LRP1B: variants seen among roughly 807,000 people sequenced by gnomAD.
LRP1B encodes the protein low-density lipoprotein receptor-related protein 1B.
In LRP1B, 217 loss-of-function variants were observed where a neutral mutation model predicts 556.6. The observed-to-expected ratio is 0.39, with a 90% CI of 0.35 to 0.44. LRP1B has a LOEUF of 0.44. LRP1B is among the 20% of genes least tolerant of loss of function. The pLI is 1.00. For missense variants in LRP1B, 5,053 were observed against 5,620.8 expected, an observed-to-expected ratio of 0.90 and a Z score of 3.23; for synonymous variants, 2,047 against 1,865.8, an observed-to-expected ratio of 1.10 and a Z score of -2.50.
chr2:141,003,189 A>G (rs1697475605), intron 15 of LRP1B, among the ~76,000 whole-genome samples: 1 of 152,046 alleles, frequency 6.6e-6, no homozygotes, highest in Admixed American at 6.6e-5. Flanking sequence ...AATCCCAAAT[A>G]TCAACTAAAA....
At chr2:140,360,322 G>A (rs1409891040) in intron 72 of LRP1B, among the ~76,000 whole-genome samples, 1 of 151,296 alleles carries the variant, frequency 6.6e-6, no homozygotes, top group African/African-American at 2.4e-5. Context: ...TGCTTTAAGT[G>A]AAATTTGGTC....
At chr2:141,964,142 T>C (rs1225419706) in intron 1 of LRP1B, among the ~76,000 whole-genome samples, 1 of 150,484 alleles carries the variant, frequency 6.6e-6, no homozygotes, top group Admixed American at 6.6e-5. Context: ...GTAGGAAGAA[T>C]TAATATCATG....
At chr2:140,756,105 T>C (rs975357298) in intron 35 of LRP1B, among the ~76,000 whole-genome samples, 2 of 151,940 alleles carry the variant, frequency 1.3e-5, no homozygotes, top group Admixed American at 6.6e-5. Flanking sequence ...ACAAATAACA[T>C]GAAATTTAGA....
At chr2:140,925,616 A>C (rs1481040593) in intron 20 of LRP1B, among the ~76,000 whole-genome samples, 1 of 152,140 alleles carries the variant, frequency 6.6e-6, no homozygotes, top group Admixed American at 6.6e-5. Flanking sequence ...GGAAGGTGTA[A>C]TCTATTGATT....
rs1323995709 is a variant in LRP1B, at chr2:141,686,980, C to T, written c.205+123299G>A. Reference sequence around the variant, plus strand: ...AATGTGGCCCCTGAACATGGGACTTCTCAGCCTTCATAACTGCAAGAAATA... The same window carrying T: ...AATGTGGCCCCTGAACATGGGACTTTTCAGCCTTCATAACTGCAAGAAATA... On this transcript the variant is annotated intron_variant, in intron 2 of 90. Transcript: ENST00000389484. 2.0e-5 allele frequency among the ~76,000 whole-genome samples: 3 copies of T among 151,932 alleles called. No individual in the cohort carries two copies. In the East Asian group the frequency reaches 5.8e-4, roughly 29 times the overall value.
At chr2:140,369,330 G>C (rs1682890593) in intron 71 of LRP1B, among the ~76,000 whole-genome samples, 1 of 151,896 alleles carries the variant, frequency 6.6e-6, no homozygotes, top group Admixed American at 6.6e-5. Flanking sequence ...AGAAGCAATG[G>C]GAGAATGAAC....
At position 141,150,810 on chromosome 2, in the gene LRP1B, A is replaced by G. The variant is rs561622796; in HGVS notation, c.1013+37611T>C. Among the ~76,000 whole-genome samples, 54 of 150,606 alleles carry G rather than the reference A, an allele frequency of 3.6e-4. 1 individual carries two copies. In the South Asian group the frequency reaches 6.1e-3, roughly 17 times the overall value. ...AGTGAAATACATTTATTTCTGGTCC[A>G]CACATTATGTAAATAACTTCTCTTC... On this transcript the variant is annotated intron_variant, in intron 7 of 90. Transcript: ENST00000389484.
chr2:140,742,427 C>G (rs188235991), intron 35 of LRP1B, among the ~76,000 whole-genome samples: 96 of 152,184 alleles, frequency 6.3e-4, no homozygotes, highest in African/African-American at 2.2e-3. Flanking sequence ...AAAAATAAAT[C>G]ATTCTGTAAT....
intron 2 of LRP1B, among the ~76,000 whole-genome samples, chr2:141,528,509 A>C (rs1179135026): frequency 1.3e-5 from 2 of 152,160 alleles, no homozygotes; most frequent in African/African-American, 4.8e-5. Flanking sequence ...GCAGTCATCA[A>C]CCTTTGAAGG....
chr2:140,415,692 T>A (rs1685167179), intron 66 of LRP1B, among the ~76,000 whole-genome samples: 3 of 152,302 alleles, frequency 2.0e-5, no homozygotes, highest in Admixed American at 1.3e-4. Flanking sequence ...TCTGCCTTTT[T>A]CTTAAAGCCT....
chr2:141,658,506 G>C lies in LRP1B; in HGVS notation c.205+151773C>G, dbSNP rs147765897. On this transcript the variant is annotated intron_variant, in intron 2 of 90. Coordinates refer to ENST00000389484, the MANE Select transcript of LRP1B (RefSeq NM_018557.3). ...CCAGGTCTCCTTGTTGTCCCTGAGA[G>C]ACACTAGCCTTGAGGATGGGGACCC... 4.6e-3 allele frequency among the ~76,000 whole-genome samples: 701 copies of C among 152,280 alleles called. 5 individuals carry two copies. Among genetic ancestry groups the C allele is most frequent in the Non-Finnish European group, 8.1e-3 (548 of 68,022 alleles).
At chr2:140,490,812 G>T (rs1315832954) in intron 57 of LRP1B, among the ~76,000 whole-genome samples, 1 of 151,982 alleles carries the variant, frequency 6.6e-6, no homozygotes, top group African/African-American at 2.4e-5. Flanking sequence ...TACTCAATGG[G>T]CACCATTATC....
intron 2 of LRP1B, among the ~76,000 whole-genome samples, chr2:141,574,415 T>G (rs2105268348): frequency 6.6e-6 from 1 of 152,204 alleles, no homozygotes; most frequent in East Asian, 1.9e-4. Flanking sequence ...TAAAAACTCT[T>G]AATAAACTAG....
At position 141,976,799 on chromosome 2, in the gene LRP1B, T is replaced by C. The variant is rs139934490; in HGVS notation, c.82+153849A>G. ...AGTGTTAATATTGAAAAGGAGGATGTGTAGGAGAAGCTCAAGGACCTGGGG... is the reference window on the plus strand; with the variant it reads ...AGTGTTAATATTGAAAAGGAGGATGCGTAGGAGAAGCTCAAGGACCTGGGG... On this transcript the variant is annotated intron_variant, in intron 1 of 90. Transcript: ENST00000389484. Among the ~76,000 whole-genome samples the C allele has an allele frequency of 3.6e-3, 552 of 152,144 alleles. 1 individual carries two copies. Among genetic ancestry groups the C allele is most frequent in the African/African-American group, 0.012 (518 of 41,528 alleles).
At chr2:140,618,337 C>T (rs1330456655) in intron 41 of LRP1B, among the ~76,000 whole-genome samples, 1 of 151,858 alleles carries the variant, frequency 6.6e-6, no homozygotes, top group Admixed American at 6.6e-5. Context: ...TATCAAATCT[C>T]CCAAAGAAAA....
intron 27 of LRP1B, among the ~76,000 whole-genome samples, chr2:140,864,483 TAAC>T (rs1276795832): frequency 6.6e-6 from 1 of 152,014 alleles, no homozygotes; most frequent in African/African-American, 2.4e-5. Context: ...ACATTGAGAC[TAAC>T]AACTGTAAAG....
chr2:140,382,338 C>G (rs554501959), intron 67 of LRP1B, among the ~76,000 whole-genome samples: 38 of 152,104 alleles, frequency 2.5e-4, no homozygotes, highest in African/African-American at 8.4e-4. Flanking sequence ...TTAGTTACTT[C>G]TTAATAATGT....
intron 12 of LRP1B, among the ~76,000 whole-genome samples, chr2:141,017,644 CAT>C (rs57888884): frequency 0.11 from 15,961 of 150,554 alleles, 931 homozygotes; most frequent in East Asian, 0.22. Context: ...AGAGAGGTTA[CAT>C]ATATATATAT....
At chr2:140,605,466 G>A (rs1682833144) in intron 41 of LRP1B, among the ~76,000 whole-genome samples, 1 of 152,066 alleles carries the variant, frequency 6.6e-6, no homozygotes, top group African/African-American at 2.4e-5. Context: ...CTGAAATTGT[G>A]TCTAAATTCT....
Sources: allele counts gnomAD v4.1 joint callset (sites outside exome capture counted in the v4.1 genomes callset), GRCh38; gene constraint gnomAD v4.1.1; transcripts MANE v1.5; gene names NCBI Gene and HGNC (gene_info 2026-07-23, HGNC 2026-07-21).